The following TLN2 variants were observed in gnomAD, a reference collection of about 807,000 sequenced individuals.
TLN2 encodes the protein talin 2.
Under a neutral mutation model 294.7 loss-of-function variants are expected in TLN2, and 118 were observed. That is an observed-to-expected ratio of 0.40 (90% CI 0.34 to 0.47). The LOEUF is 0.47. TLN2 is among the 20% of genes least tolerant of loss of function. The pLI is 0.84. For synonymous variants in TLN2, 1,431 were observed against 1,304.5 expected (o/e 1.10, Z -2.09); for missense variants, 3,083 against 3,282.2 (o/e 0.94, Z 1.48).
chr15:62,820,392 C>T, intron 53 of TLN2, 94 bp from the exon 54 acceptor site: 3 of 1,433,616 alleles, frequency 2.1e-6, no homozygotes, highest in Non-Finnish European at 2.8e-6. Context: ...CTCCTGGAGC[C>T]TTCATGCATG....
chr15:62,428,320 A>G (rs2034826832), intron 1 of TLN2, among the ~76,000 whole-genome samples: 1 of 152,220 alleles, frequency 6.6e-6, no homozygotes. Flanking sequence ...GTTAATGCAC[A>G]CAGTAAAGGT....
intron 28 of TLN2, among the ~76,000 whole-genome samples, chr15:62,733,634 A>G (rs1046272911): frequency 6.6e-6 from 1 of 152,236 alleles, no homozygotes; most frequent in African/African-American, 2.4e-5. Flanking sequence ...CTGTCTGGAT[A>G]CACAATCCAC....
At chr15:62,464,414 G>A (rs951719672) in intron 1 of TLN2, among the ~76,000 whole-genome samples, 1 of 152,054 alleles carries the variant, frequency 6.6e-6, no homozygotes, top group Non-Finnish European at 1.5e-5. Context: ...CACACACTGG[G>A]GCCTGTTGTG....
At chr15:62,767,867 A>G (rs561471618) in intron 41 of TLN2, among the ~76,000 whole-genome samples, 21 of 152,366 alleles carry the variant, frequency 1.4e-4, no homozygotes, top group Non-Finnish European at 2.5e-4. Context: ...TTTGGAGGAC[A>G]ATACCCATGT....
intron 1 of TLN2, among the ~76,000 whole-genome samples, chr15:62,504,025 G>A (rs561907521): frequency 8.5e-5 from 13 of 152,244 alleles, no homozygotes; most frequent in African/African-American, 2.9e-4. Context: ...AAAATCAGTG[G>A]CATCAGTTGC....
intron 1 of TLN2, among the ~76,000 whole-genome samples, chr15:62,445,864 G>T (rs191845869): frequency 6.6e-6 from 1 of 152,040 alleles, no homozygotes; most frequent in African/African-American, 2.4e-5. Flanking sequence ...AGGGCTCACT[G>T]TGTTGCCTAG....
intron 11 of TLN2, among the ~76,000 whole-genome samples, chr15:62,679,730 C>T (rs1490553044): frequency 6.6e-6 from 1 of 152,172 alleles, no homozygotes; most frequent in Non-Finnish European, 1.5e-5. Flanking sequence ...CGTATGTGCT[C>T]TTCATCAGGT....
chr15:62,720,956 C>T (rs919314518), intron 25 of TLN2, among the ~76,000 whole-genome samples: 1 of 152,094 alleles, frequency 6.6e-6, no homozygotes, highest in Non-Finnish European at 1.5e-5. Context: ...ATGACTTGGA[C>T]AAGGCATTTC....
chr15:62,509,091 A>G (rs1363049404), intron 1 of TLN2, among the ~76,000 whole-genome samples: 1 of 152,184 alleles, frequency 6.6e-6, no homozygotes, highest in African/African-American at 2.4e-5. Context: ...GGTGCTTAGG[A>G]TCCCATAAGC....
At chr15:62,754,145 G>A (rs1431079226) in intron 36 of TLN2, 1 of 475,688 alleles carries the variant, frequency 2.1e-6, no homozygotes, top group Non-Finnish European at 3.5e-6. Context: ...CAAAAGGAGT[G>A]AAGTAATCAC....
At chr15:62,456,804 C>G (rs981475024) in intron 1 of TLN2, among the ~76,000 whole-genome samples, 1 of 152,160 alleles carries the variant, frequency 6.6e-6, no homozygotes, top group South Asian at 2.1e-4. Flanking sequence ...TTTACTCTTC[C>G]ATCCGTTGTC....
At chr15:62,819,317 C>A (rs1012860911) in intron 52 of TLN2, among the ~76,000 whole-genome samples, 199 bp from the exon 53 acceptor site, 1 of 152,122 alleles carries the variant, frequency 6.6e-6, no homozygotes. Context: ...CACTGGTTCC[C>A]AACCTTTTAT....
chr15:62,805,788 A>G lies in TLN2; in HGVS notation c.6663+3A>G. 1.2e-6 allele frequency: 2 copies of G among 1,612,102 alleles called. No individual in the cohort carries two copies. The highest frequency in any genetic ancestry group is 2.2e-5 in the East Asian group (1 of 44,804). On this transcript the variant is annotated splice_donor_region_variant and intron_variant, in intron 51 of 58. Coordinates refer to ENST00000636159, the MANE Select transcript of TLN2 (RefSeq NM_015059.3). ...CAGATATGTTGACGGCTTGCAAGGT[A>G]AAGAGCTTGGCATGGTTTTGGATGG...
In TLN2 at chr15:62,450,567, G is replaced by GTC. The variant is rs1555409168; in HGVS notation, c.-238+59883_-238+59884insCT. 1.3e-3 allele frequency among the ~76,000 whole-genome samples: 199 copies of GTC among 150,888 alleles called. 1 individual carries two copies. Among genetic ancestry groups the GTC allele is most frequent in the African/African-American group, 4.6e-3 (189 of 40,918 alleles). The stretch of plus-strand genomic sequence containing the variant: ...TATGTATGTGTGTGTGTGTGTGTGT[G>GTC]TGTGTGTCTGTGTGTGTGTGTGTTT... On this transcript the variant is annotated intron_variant, in intron 1 of 58. Transcript: ENST00000636159.
chr15:62,708,696 G>T lies in TLN2; in HGVS notation c.2367G>T (p.Arg789=). The change falls in exon 21 of 59, where the codon CGG becomes CGT. Residue 789 remains arginine, a synonymous_variant. Transcript: ENST00000636159. ...QALHDLLQHV[R]QFASRGEPIG... The stretch of plus-strand genomic sequence containing the variant: ...TCCATGATCTCCTGCAGCATGTGCG[G>T]CAGTTTGCCAGCCGAGGCGAGCCCA... 1 of 1,613,974 alleles carries T rather than the reference G, an allele frequency of 6.2e-7. No homozygotes were observed. Among genetic ancestry groups the T allele is most frequent in the Non-Finnish European group, 8.5e-7 (1 of 1,180,040 alleles).
chr15:62,508,907 T>G (rs754101221), intron 1 of TLN2, among the ~76,000 whole-genome samples: 12 of 152,240 alleles, frequency 7.9e-5, no homozygotes, highest in South Asian at 2.1e-4. Flanking sequence ...ATTCTTGGTA[T>G]TTTTGTATAT....
intron 19 of TLN2, among the ~76,000 whole-genome samples, chr15:62,703,642 C>G (rs1180442777): frequency 6.9e-6 from 1 of 144,322 alleles, no homozygotes; most frequent in Non-Finnish European, 1.5e-5. Context: ...CACACACACA[C>G]ACACACACAG....
At chr15:62,715,947 A>G (rs1169573990) in intron 22 of TLN2, among the ~76,000 whole-genome samples, 2 of 152,198 alleles carry the variant, frequency 1.3e-5, no homozygotes, top group Non-Finnish European at 2.9e-5. Flanking sequence ...CAGGAGTGAC[A>G]TGAAGACATG....
chr15:62,833,419 C>T (rs2069089254), intron 54 of TLN2, 85 bp from the exon 55 acceptor site: 2 of 1,547,692 alleles, frequency 1.3e-6, no homozygotes, highest in Admixed American at 1.9e-5. Flanking sequence ...GGTGAAGAGC[C>T]AGGTGACCCG....
Sources: gnomAD v4.1 joint callset for allele counts (sites outside exome capture counted in the v4.1 genomes callset) on GRCh38, gnomAD v4.1.1 for gene constraint, MANE v1.5 for transcripts, NCBI Gene and HGNC (gene_info 2026-07-23, HGNC 2026-07-21) for gene names.